PRKCQ: variants seen among roughly 807,000 people sequenced by gnomAD.
PRKCQ encodes the protein protein kinase C theta.
A neutral mutation model predicts 91.2 loss-of-function variants in PRKCQ; 41 were observed. The ratio of observed to expected loss-of-function variants is 0.45; its 90% CI spans 0.35 to 0.58. The LOEUF (loss-of-function observed/expected upper bound fraction) is 0.58. Ranked by LOEUF, PRKCQ falls within the 20% of genes least tolerant of loss-of-function variation. The pLI is 0.00. For synonymous variants in PRKCQ, 307 were observed against 316.9 expected, an observed-to-expected ratio of 0.97 and a Z score of 0.33; for missense variants, 673 against 896.5, an observed-to-expected ratio of 0.75 and a Z score of 3.18.
rs148726338 is a variant in PRKCQ at position 6,462,182 on chromosome 10, T to C, written c.1508+121A>G. Reference sequence around the variant, plus strand: ...GTAATCATTGTGGGCAGCAGACCTATGTGTGGAGCTTACTCCCAGGAAATC... The same window carrying C: ...GTAATCATTGTGGGCAGCAGACCTACGTGTGGAGCTTACTCCCAGGAAATC... On this transcript the variant is annotated intron_variant, in intron 14 of 17. Transcript: ENST00000263125. 5.4e-4 allele frequency: 453 copies of C among 835,594 alleles called. 3 individuals carry two copies. The highest frequency in any genetic ancestry group is 3.2e-3 in the Middle Eastern group (14 of 4,338). 51.8% of individuals were successfully genotyped at this position (835,594 alleles called of 1,614,324 possible).
At position 6,434,155 on chromosome 10, in the gene PRKCQ, G is replaced by A. The variant is rs572877546; in HGVS notation, c.1837-3217C>T. ...CTTCTTAAGGACATTTGGATGAAAC[G>A]AGATTAGATAGATGGCGTAAGTGTC... On this transcript the variant is annotated intron_variant, in intron 16 of 17. Transcript: ENST00000263125. Among the ~76,000 whole-genome samples, 24 of 151,982 alleles carry A rather than the reference G, an allele frequency of 1.6e-4. 1 individual carries two copies. The highest frequency in any genetic ancestry group is 5.8e-4 in the African/African-American group (24 of 41,438).
chr10:6,486,458 T>C (rs1245249290), intron 8 of PRKCQ, among the ~76,000 whole-genome samples: 1 of 152,182 alleles, frequency 6.6e-6, no homozygotes, highest in African/African-American at 2.4e-5. Flanking sequence ...AGTGTTGCCA[T>C]GGCAACACCC....
chr10:6,550,038 T>C (rs889188070), intron 1 of PRKCQ, among the ~76,000 whole-genome samples: 1 of 152,292 alleles, frequency 6.6e-6, no homozygotes, highest in Middle Eastern at 3.4e-3. Context: ...AAGTCTGAAA[T>C]TCTGCACCCA....
chr10:6,405,807 C>G, the PRKCQ span, among the ~76,000 whole-genome samples: 4 of 152,222 alleles, frequency 2.6e-5, no homozygotes, highest in African/African-American at 9.6e-5. Context: ...GTGCTGGCTA[C>G]TTTATGGTAC....
chr10:6,452,209 A>C (rs1834730521), intron 15 of PRKCQ, among the ~76,000 whole-genome samples: 1 of 152,226 alleles, frequency 6.6e-6, no homozygotes. Flanking sequence ...CCTTAAGCTG[A>C]TAAGCAACTT....
At chr10:6,475,285 C>T (rs376337916) in intron 12 of PRKCQ, among the ~76,000 whole-genome samples, 14 of 152,306 alleles carry the variant, frequency 9.2e-5, no homozygotes, top group African/African-American at 2.9e-4. Context: ...GTAACTCTTA[C>T]TCTCTGTCCT....
At chr10:6,447,935 T>G (rs1313394324) in intron 15 of PRKCQ, among the ~76,000 whole-genome samples, 1 of 152,064 alleles carries the variant, frequency 6.6e-6, no homozygotes, top group East Asian at 1.9e-4. Context: ...AGCTCCAGTT[T>G]TGTTTGGTTT....
At chr10:6,565,339 C>T (rs528992380) in intron 1 of PRKCQ, among the ~76,000 whole-genome samples, 1 of 152,276 alleles carries the variant, frequency 6.6e-6, no homozygotes, top group South Asian at 2.1e-4. Flanking sequence ...TACATATGCT[C>T]TCTGTTCTGA....
Position 6,524,888 on chromosome 10 carries a change from C to G in PRKCQ, c.-9-9744G>C, listed in dbSNP as rs562518566. Among the ~76,000 whole-genome samples the G allele has an allele frequency of 4.6e-5, 7 of 152,330 alleles. 1 individual carries two copies. The East Asian group carries it at 1.2e-3, about 25-fold the overall frequency. ...GCCTCCTGGCTGCAGCGGGCAGGCT[C>G]TCACTGATGTAGGACACAGCCTTGC... On this transcript the variant is annotated intron_variant, in intron 1 of 17. Transcript: ENST00000263125.
chr10:6,400,648 G>C, the PRKCQ span, among the ~76,000 whole-genome samples: 2 of 134,964 alleles, frequency 1.5e-5, no homozygotes, highest in African/African-American at 2.6e-5. Context: ...AAAAAAAAAG[G>C]CTCATTTTAG....
At chr10:6,460,482 T>C (rs116358504) in intron 14 of PRKCQ, among the ~76,000 whole-genome samples, 15,913 of 138,356 alleles carry the variant, frequency 0.12, 1,106 homozygotes, top group Middle Eastern at 0.22. Context: ...TACTTCCCCT[T>C]TTTTTTTTTT....
the PRKCQ span, among the ~76,000 whole-genome samples, chr10:6,394,829 G>A: frequency 3.5e-5 from 5 of 143,500 alleles, no homozygotes; most frequent in Non-Finnish European, 6.0e-5. Flanking sequence ...TGGTTGAGAG[G>A]AATAGCTTGA....
chr10:6,418,450 T>G, the PRKCQ span, among the ~76,000 whole-genome samples: 1 of 152,162 alleles, frequency 6.6e-6, no homozygotes, highest in East Asian at 1.9e-4. Flanking sequence ...CTTCTTTGTT[T>G]CCATCCTTTC....
intron 1 of PRKCQ, among the ~76,000 whole-genome samples, chr10:6,523,326 C>G (rs1394323621): frequency 1.3e-5 from 2 of 152,028 alleles, no homozygotes; most frequent in Admixed American, 1.3e-4. Flanking sequence ...TGGCACACAC[C>G]TATAGTTCCG....
intron 1 of PRKCQ, among the ~76,000 whole-genome samples, chr10:6,549,193 T>C (rs1840088189): frequency 6.6e-6 from 1 of 152,180 alleles, no homozygotes; most frequent in Admixed American, 6.5e-5. Context: ...TCCTGGGTCC[T>C]TAAGGCAAGA....
chr10:6,394,543 G>A, the PRKCQ span, among the ~76,000 whole-genome samples: 7 of 152,348 alleles, frequency 4.6e-5, no homozygotes, highest in Admixed American at 2.6e-4. Flanking sequence ...TCCTTTTTCT[G>A]ACCTTCAGCG....
At chr10:6,473,965 A>T (rs1310637441) in intron 12 of PRKCQ, among the ~76,000 whole-genome samples, 1 of 151,806 alleles carries the variant, frequency 6.6e-6, no homozygotes, top group African/African-American at 2.4e-5. Context: ...TATTATTATT[A>T]TTTTTCACGT....
In PRKCQ at chr10:6,497,795, T is replaced by C. The variant is rs1332234557; in HGVS notation, c.543-544A>G. On this transcript the variant is annotated intron_variant, in intron 5 of 17. Transcript: ENST00000263125. The surrounding 1 kb of genome is among the most constrained non-coding windows in gnomAD (Gnocchi z 4.5). ...TCGATCTGGCATGTGGATACCCTGGTTACACAGGAGCTGTGCTTTAACAGT... is the reference window on the plus strand; with the variant it reads ...TCGATCTGGCATGTGGATACCCTGGCTACACAGGAGCTGTGCTTTAACAGT... 6.6e-6 allele frequency among the ~76,000 whole-genome samples: 1 copy of C among 152,190 alleles called. No homozygotes were observed. Among genetic ancestry groups the C allele is most frequent in the African/African-American group, 2.4e-5 (1 of 41,440 alleles).
At chr10:6,441,331 C>T (rs1040244587) in intron 16 of PRKCQ, among the ~76,000 whole-genome samples, 3 of 152,080 alleles carry the variant, frequency 2.0e-5, no homozygotes, top group Non-Finnish European at 4.4e-5. Flanking sequence ...CAGTAGAGAC[C>T]GTGTTTCTCC....
Sources: gnomAD v4.1 joint callset for allele counts (sites outside exome capture counted in the v4.1 genomes callset) on GRCh38, gnomAD v4.1.1 for gene constraint, Gnocchi (gnomAD v3.1) non-coding constraint, MANE v1.5 for transcripts, NCBI Gene and HGNC (gene_info 2026-07-23, HGNC 2026-07-21) for gene names.